The following PTPRM variants were observed in gnomAD, a reference collection of about 807,000 sequenced individuals.
PTPRM encodes receptor-type tyrosine-protein phosphatase mu.
Under a neutral mutation model 186.7 loss-of-function variants are expected in PTPRM, and 47 were observed. That is an observed-to-expected ratio of 0.25 (90% CI 0.20 to 0.32). The LOEUF (loss-of-function observed/expected upper bound fraction) is 0.32, where lower values mean the gene tolerates loss of function less well. Among genes scored for constraint, PTPRM ranks in the 10% least tolerant of loss-of-function variants. PTPRM has a pLI of 1.00. For missense variants in PTPRM, 1,494 were observed against 1,865.0 expected (o/e 0.80, Z 3.66); for synonymous variants, 668 against 674.9 (o/e 0.99, Z 0.16).
intron 14 of PTPRM, among the ~76,000 whole-genome samples, chr18:8,221,105 T>G (rs1265458150): frequency 6.6e-6 from 1 of 152,180 alleles, no homozygotes; most frequent in Admixed American, 6.5e-5. Flanking sequence ...TATTGCAGAT[T>G]TGACAGGGTG....
At chr18:8,126,016 TATA>T (rs1368361494) in intron 13 of PTPRM, among the ~76,000 whole-genome samples, 382 of 29,602 alleles carry the variant, frequency 0.013, 41 homozygotes, top group South Asian at 0.077. Flanking sequence ...TATATATATA[TATA>T]TATATATATT....
intron 2 of PTPRM, among the ~76,000 whole-genome samples, chr18:7,835,580 A>G (rs1219956018): frequency 6.6e-6 from 1 of 152,134 alleles, no homozygotes; most frequent in East Asian, 1.9e-4. Flanking sequence ...TTCTGTAAAT[A>G]TCTACCAGGT....
At chr18:7,987,569 T>C (rs945585996) in intron 7 of PTPRM, among the ~76,000 whole-genome samples, 1 of 152,048 alleles carries the variant, frequency 6.6e-6, no homozygotes, top group Non-Finnish European at 1.5e-5. Flanking sequence ...TCTCTGTTAT[T>C]CTCACAGGGA....
At chr18:8,226,053 A>G (rs891570336) in intron 14 of PTPRM, among the ~76,000 whole-genome samples, 5 of 152,226 alleles carry the variant, frequency 3.3e-5, no homozygotes, top group South Asian at 2.1e-4. Flanking sequence ...ATAATCAAGT[A>G]TATGCAAATC....
chr18:8,214,690 G>GCC (rs2094055313), intron 14 of PTPRM, among the ~76,000 whole-genome samples: 1 of 152,070 alleles, frequency 6.6e-6, no homozygotes, highest in Non-Finnish European at 1.5e-5. Context: ...TTGAGATGGA[G>GCC]CCTCTCTCTG....
At chr18:7,719,569 A>T (rs1400676139) in intron 1 of PTPRM, among the ~76,000 whole-genome samples, 1 of 152,196 alleles carries the variant, frequency 6.6e-6, no homozygotes, top group East Asian at 1.9e-4. Flanking sequence ...TAAAAAACAC[A>T]CTTAATAAAA....
intron 14 of PTPRM, among the ~76,000 whole-genome samples, chr18:8,233,028 C>A (rs139974591): frequency 6.8e-4 from 104 of 152,266 alleles, no homozygotes; most frequent in African/African-American, 2.5e-3. Context: ...TTCAAGGAGT[C>A]CCGCACCAGG....
chr18:8,375,239 A>T (rs924175913), intron 24 of PTPRM, among the ~76,000 whole-genome samples: 21 of 152,208 alleles, frequency 1.4e-4, no homozygotes, highest in Admixed American at 1.0e-3. Context: ...CCTTCGATTT[A>T]CTGACCTAGC....
intron 14 of PTPRM, among the ~76,000 whole-genome samples, chr18:8,156,036 G>A (rs1385135723): frequency 6.6e-6 from 1 of 152,196 alleles, no homozygotes; most frequent in African/African-American, 2.4e-5. Context: ...CAGGCCATAT[G>A]TGCACACAAA....
rs150050276 is a variant in PTPRM at position 7,731,383 on chromosome 18, T to C, written c.74-42766T>C. Among the ~76,000 whole-genome samples, 768 of 152,318 alleles carry C rather than the reference T, an allele frequency of 5.0e-3. 7 individuals carry two copies. Among genetic ancestry groups the C allele is most frequent in the African/African-American group, 0.017 (694 of 41,576 alleles). ...TATCCTTGAAAATAGACGTGCTCAA[T>C]TGAAATAAGCTTGGTTGGTATTGCA... is the stretch of plus-strand genomic sequence containing the variant. On this transcript the variant is annotated intron_variant, in intron 1 of 32. Transcript: ENST00000580170.
intron 23 of PTPRM, among the ~76,000 whole-genome samples, chr18:8,367,492 C>T (rs1189364764): frequency 2.0e-5 from 3 of 152,264 alleles, no homozygotes; most frequent in Non-Finnish European, 2.9e-5. Flanking sequence ...TCCCTCGCTT[C>T]GCTGGGAGAG....
At chr18:8,004,088 T>C (rs557712956) in intron 7 of PTPRM, among the ~76,000 whole-genome samples, 4 of 152,306 alleles carry the variant, frequency 2.6e-5, no homozygotes, top group South Asian at 2.1e-4. Context: ...AGGAATTTCA[T>C]AGGGCCTCAG....
In PTPRM at chr18:7,775,584, C is replaced by G. The variant is rs78002522; in HGVS notation, c.196+1313C>G. ...AGGATCCAGCCTGTGTCCAGAGAGG[C>G]TGGGCTAGCTGAGGCTGTGAGAGTG... On this transcript the variant is annotated intron_variant, in intron 2 of 32. Coordinates refer to ENST00000580170, the MANE Select transcript of PTPRM (RefSeq NM_001105244.2). 2.1e-4 allele frequency among the ~76,000 whole-genome samples: 32 copies of G among 152,276 alleles called. No individual in the cohort carries two copies. In the East Asian group the frequency reaches 6.0e-3, roughly 28 times the overall value.
chr18:8,319,008 C>T lies in PTPRM; in HGVS notation c.2920-170C>T, dbSNP rs80062715. Among the ~76,000 whole-genome samples the T allele has an allele frequency of 9.0e-3, 1,372 of 152,306 alleles. 9 individuals are homozygous for T. The highest frequency in any genetic ancestry group is 0.013 in the Non-Finnish European group (867 of 68,022). ...AGCATCAGAACTGTTGTATTTGATGCGCCTTCACTAATTAAGAGAAACTCA... is the reference window on the plus strand; with the variant it reads ...AGCATCAGAACTGTTGTATTTGATGTGCCTTCACTAATTAAGAGAAACTCA... On this transcript the variant is annotated intron_variant, in intron 21 of 32. Transcript: ENST00000580170.
At chr18:7,649,887 C>A (rs115080823) in intron 1 of PTPRM, among the ~76,000 whole-genome samples, 3,137 of 152,104 alleles carry the variant, frequency 0.021, 110 homozygotes, top group African/African-American at 0.071. Flanking sequence ...GCTCAGATAA[C>A]GATTAGCATT....
chr18:7,860,725 TA>T (rs1477227103), intron 2 of PTPRM, among the ~76,000 whole-genome samples: 1 of 152,208 alleles, frequency 6.6e-6, no homozygotes, highest in African/African-American at 2.4e-5. Context: ...GAAATAATCT[TA>T]GATGTATGTT....
chr18:7,855,264 G>A (rs934097325), intron 2 of PTPRM, among the ~76,000 whole-genome samples: 1 of 152,162 alleles, frequency 6.6e-6, no homozygotes, highest in Non-Finnish European at 1.5e-5. Flanking sequence ...CAGACATTAT[G>A]TGACATACTG....
At chr18:7,743,185 C>T (rs541656264) in intron 1 of PTPRM, among the ~76,000 whole-genome samples, 2 of 152,276 alleles carry the variant, frequency 1.3e-5, no homozygotes, top group East Asian at 1.9e-4. Context: ...CCTGTATGGC[C>T]GCTGATTGTC....
At chr18:7,859,604 T>G (rs892585161) in intron 2 of PTPRM, among the ~76,000 whole-genome samples, 1 of 152,216 alleles carries the variant, frequency 6.6e-6, no homozygotes, top group African/African-American at 2.4e-5. Context: ...AACCCTGGCC[T>G]GCATAGCAGA....
Sources: gnomAD v4.1 joint callset for allele counts (sites outside exome capture counted in the v4.1 genomes callset) on GRCh38, gnomAD v4.1.1 for gene constraint, MANE v1.5 for transcripts, NCBI Gene and HGNC (gene_info 2026-07-23, HGNC 2026-07-21) for gene names.